Variants in PDE4D observed in about 807,000 individuals in gnomAD.
The protein encoded by PDE4D is 3',5'-cyclic-AMP phosphodiesterase 4D.
A neutral mutation model predicts 87.4 loss-of-function variants in PDE4D; 24 were observed. That is an observed-to-expected ratio of 0.27 (90% CI 0.20 to 0.39). PDE4D has a LOEUF of 0.39. Ranked by LOEUF, PDE4D falls within the 10% of genes least tolerant of loss-of-function variation. The probability of loss-of-function intolerance (pLI) is 1.00; values close to 1 mark genes in which losing one functional copy is unlikely to be tolerated. For missense variants in PDE4D, 714 were observed against 1,041.0 expected, an observed-to-expected ratio of 0.69 and a Z score of 4.32; for synonymous variants, 384 against 383.2, an observed-to-expected ratio of 1.00 and a Z score of -0.02.
chr5:59,109,554 G>C (rs1772255273), intron 5 of PDE4D, among the ~76,000 whole-genome samples: 1 of 152,182 alleles, frequency 6.6e-6, no homozygotes, highest in Non-Finnish European at 1.5e-5. Context: ...CGCTGAATAA[G>C]CCAAGTGGGG....
At chr5:59,251,190 A>G (rs1759877672) in intron 1 of PDE4D, among the ~76,000 whole-genome samples, 2 of 152,166 alleles carry the variant, frequency 1.3e-5, no homozygotes, top group South Asian at 4.1e-4. Context: ...ATCTAAATAA[A>G]CTTAAAAGCT....
chr5:59,826,585 A>C (rs1770354056), intron 1 of PDE4D, among the ~76,000 whole-genome samples: 1 of 152,074 alleles, frequency 6.6e-6, no homozygotes, highest in Admixed American at 6.6e-5. Context: ...ACATGAGAAC[A>C]TTTTGAATAA....
intron 3 of PDE4D, among the ~76,000 whole-genome samples, chr5:59,961,600 C>G (rs948176712): frequency 2.6e-5 from 4 of 151,966 alleles, no homozygotes; most frequent in Admixed American, 6.6e-5. Flanking sequence ...CTTTACAAAG[C>G]TTAAATTCTA....
At chr5:59,593,535 C>T (rs1029896001) in intron 1 of PDE4D, among the ~76,000 whole-genome samples, 1 of 152,148 alleles carries the variant, frequency 6.6e-6, no homozygotes, top group African/African-American at 2.4e-5. Flanking sequence ...ACATAAGGAG[C>T]TTGGAAGTTG....
intron 1 of PDE4D, among the ~76,000 whole-genome samples, chr5:59,606,757 A>G (rs929255960): frequency 9.2e-5 from 14 of 152,174 alleles, no homozygotes; most frequent in African/African-American, 3.4e-4. Flanking sequence ...TTAATCTTCC[A>G]CAAAAGTACT....
At chr5:60,460,986 C>G (rs1424813799) in intron 1 of PDE4D, among the ~76,000 whole-genome samples, 1 of 151,888 alleles carries the variant, frequency 6.6e-6, no homozygotes, top group Non-Finnish European at 1.5e-5. Context: ...GGAAGCTAAT[C>G]AACCCACCAA....
At chr5:60,460,626 T>C in intron 1 of PDE4D, 1 of 1,232,516 alleles carries the variant, frequency 8.1e-7, no homozygotes, top group Non-Finnish European at 1.2e-6. Context: ...GCTGTTCTTT[T>C]TCTCCCTTCC....
At chr5:59,642,164 G>A (rs1404578676) in intron 1 of PDE4D, among the ~76,000 whole-genome samples, 1 of 152,010 alleles carries the variant, frequency 6.6e-6, no homozygotes, top group East Asian at 1.9e-4. Flanking sequence ...GTGTTTTTCA[G>A]GTGTAGGAAG....
chr5:59,776,560 G>A (rs1012514182), intron 1 of PDE4D, among the ~76,000 whole-genome samples: 12 of 152,032 alleles, frequency 7.9e-5, no homozygotes. Context: ...CTGAAACTTG[G>A]GAAACTTTTT....
chr5:59,228,167 C>T lies in PDE4D; in HGVS notation c.456-12199G>A, dbSNP rs192751772. 1.1e-4 allele frequency among the ~76,000 whole-genome samples: 16 copies of T among 152,184 alleles called. No individual in the cohort carries two copies. The East Asian group carries it at 2.5e-3, about 24-fold the overall frequency. ...TAATGCAGGAAAAGAAAACCAAATA[C>T]TGCATGTTTTCACTTATAAGTGGTA... is the stretch of plus-strand genomic sequence containing the variant. On this transcript the variant is annotated intron_variant, in intron 1 of 14. Coordinates refer to ENST00000340635, the MANE Select transcript of PDE4D (RefSeq NM_001104631.2).
chr5:60,512,116 T>C (rs1186160762), intron 1 of PDE4D, among the ~76,000 whole-genome samples: 2 of 152,096 alleles, frequency 1.3e-5, no homozygotes, highest in Admixed American at 1.3e-4. Context: ...CAAGGCAGGA[T>C]CTCTTGAATG....
intron 1 of PDE4D, among the ~76,000 whole-genome samples, chr5:59,875,519 G>C (rs159624): frequency 0.4 from 56,585 of 141,422 alleles, 13,952 homozygotes; most frequent in African/African-American, 0.7. Context: ...CTTGAAAAAG[G>C]ACAGAGTGAG....
chr5:59,420,767 G>A (rs1794353604), intron 1 of PDE4D, among the ~76,000 whole-genome samples: 1 of 151,626 alleles, frequency 6.6e-6, no homozygotes. Context: ...CAGTGTTCTT[G>A]CTATATACAT....
chr5:59,276,135 A>G (rs1764766762), intron 1 of PDE4D: 13 of 983,590 alleles, frequency 1.3e-5, no homozygotes, highest in Non-Finnish European at 1.6e-5. Context: ...AAAAAAAAAA[A>G]AAAAAAAAGA....
chr5:59,125,186 C>A (rs1334938136), intron 5 of PDE4D: 9 of 581,006 alleles, frequency 1.5e-5, no homozygotes, highest in Non-Finnish European at 1.7e-5. Flanking sequence ...TTCCATGGCT[C>A]ATTAAGCTAG....
chr5:60,306,528 C>T (rs1186022744), intron 1 of PDE4D, among the ~76,000 whole-genome samples: 2 of 151,920 alleles, frequency 1.3e-5, no homozygotes, highest in Admixed American at 6.6e-5. Flanking sequence ...AGAAAAAGAT[C>T]AGGACCCCAA....
chr5:59,764,419 G>C (rs1580980215), intron 1 of PDE4D, among the ~76,000 whole-genome samples: 1 of 152,160 alleles, frequency 6.6e-6, no homozygotes, highest in East Asian at 1.9e-4. Flanking sequence ...CACACGTTAA[G>C]TAACTTGACC....
At chr5:59,521,236 A>G (rs1812185301) in intron 1 of PDE4D, among the ~76,000 whole-genome samples, 1 of 152,186 alleles carries the variant, frequency 6.6e-6, no homozygotes, top group South Asian at 2.1e-4. Context: ...TAGACCTGGA[A>G]GAAAGGTGGC....
At chr5:59,741,505 T>A in intron 1 of PDE4D, among the ~76,000 whole-genome samples, 1 of 152,190 alleles carries the variant, frequency 6.6e-6, no homozygotes, top group East Asian at 1.9e-4. Flanking sequence ...TGTTTCAGGG[T>A]AATACAATTT....
Sources: allele counts gnomAD v4.1 joint callset (sites outside exome capture counted in the v4.1 genomes callset), GRCh38; gene constraint gnomAD v4.1.1; transcripts MANE v1.5; gene names NCBI Gene and HGNC (gene_info 2026-07-23, HGNC 2026-07-21).